SIAE: variants seen among roughly 807,000 people sequenced by gnomAD.
The protein encoded by SIAE is sialate O-acetylesterase.
In SIAE, 39 loss-of-function variants were observed where a neutral mutation model predicts 52.6. That is an observed-to-expected ratio of 0.74 (90% CI 0.57 to 0.97). The LOEUF (loss-of-function observed/expected upper bound fraction) is 0.97, where lower values mean the gene tolerates loss of function less well. Ranked by LOEUF, SIAE falls within the 50% of genes least tolerant of loss-of-function variation. SIAE has a pLI of 0.00. For synonymous variants in SIAE, 233 were observed against 241.4 expected, an observed-to-expected ratio of 0.97 and a Z score of 0.32; for missense variants, 592 against 662.1, an observed-to-expected ratio of 0.89 and a Z score of 1.16.
At chr11:124,640,654 C>A (rs944519407) in intron 7 of SIAE, among the ~76,000 whole-genome samples, 1 of 152,202 alleles carries the variant, frequency 6.6e-6, no homozygotes, top group South Asian at 2.1e-4. Flanking sequence ...TCTTCACTCC[C>A]TCCTATATCC....
chr11:124,638,927 A>T (rs556267018), intron 8 of SIAE, among the ~76,000 whole-genome samples, 190 bp from the exon 9 acceptor site: 1 of 152,302 alleles, frequency 6.6e-6, no homozygotes, highest in African/African-American at 2.4e-5. Context: ...TGGGCCTTCT[A>T]TGGGTTGGAA....
intron 9 of SIAE, 34 bp downstream of exon 9, chr11:124,638,508 A>G (rs1942788246): frequency 6.2e-7 from 1 of 1,609,826 alleles, no homozygotes; most frequent in South Asian, 1.1e-5. Flanking sequence ...TCCACCACAA[A>G]ATGAACCCCT....
At position 124,644,351 on chromosome 11, in the gene SIAE, G is replaced by GAAAAAAAAA. The variant is rs766691334; in HGVS notation, c.966+3013_966+3014insTTTTTTTTT. 8.1e-5 allele frequency among the ~76,000 whole-genome samples: 8 copies of GAAAAAAAAA among 98,972 alleles called. 1 individual carries two copies. The highest frequency in any genetic ancestry group is 2.0e-4 in the African/African-American group (5 of 25,154). 64.9% of individuals were successfully genotyped at this position (98,972 alleles called of 152,430 possible). A position where few individuals can be genotyped will look rare whatever the true frequency, so the allele number is the denominator to read the frequency against. ...AACGCCACAGGAAAGAGTCTGTGGT[G>GAAAAAAAAA]AGAAAAAAAAAAAAAAAAAAAAACT... is the stretch of plus-strand genomic sequence containing the variant. On this transcript the variant is annotated intron_variant, in intron 7 of 9. Transcript: ENST00000263593.
intron 7 of SIAE, among the ~76,000 whole-genome samples, chr11:124,644,960 T>A (rs558597627): frequency 6.6e-6 from 1 of 152,326 alleles, no homozygotes; most frequent in African/African-American, 2.4e-5. Flanking sequence ...GATCTTCTGA[T>A]TTCTCTCATC....
intron 7 of SIAE, among the ~76,000 whole-genome samples, chr11:124,644,351 G>GGAAAA (rs1555096422): frequency 2.0e-5 from 2 of 98,974 alleles, no homozygotes; most frequent in African/African-American, 8.0e-5. Context: ...AGTCTGTGGT[G>GGAAAA]AGAAAAAAAA....
Position 124,669,390 on chromosome 11 carries a change from T to C in SIAE, c.199A>G (p.Thr67Ala), listed in dbSNP as rs1026202192. Residue 67 changes from threonine (T) to alanine (A), a missense_variant, in exon 2 of 10, where the codon ACC becomes GCC. Thr to Ala is a moderately conservative substitution (Grantham distance 58, BLOSUM62 0). Coordinates refer to ENST00000263593, the MANE Select transcript of SIAE (RefSeq NM_170601.5). ...ACACTGGTCACTTTCTTCATGATGG[T>C]TTCCTGACCTTGGCGCAGGGTCACG... ...VTVTLRQGQE[T>A]IMKKVTSVKA... The C allele has an allele frequency of 1.9e-6, 3 of 1,614,168 alleles. No individual in the cohort carries two copies. Among genetic ancestry groups the C allele is most frequent in the Non-Finnish European group, 2.5e-6 (3 of 1,180,044 alleles).
intron 2 of SIAE, among the ~76,000 whole-genome samples, chr11:124,667,936 G>C (rs1006848652): frequency 6.6e-6 from 1 of 152,056 alleles, no homozygotes; most frequent in Non-Finnish European, 1.5e-5. Context: ...CTCTTGCTTG[G>C]ATATCACAGC....
At position 124,648,067 on chromosome 11, in the gene SIAE, C is replaced by G. The variant is rs1942966539; in HGVS notation, c.831G>C (p.Gln277His). The G allele has an allele frequency of 6.2e-7, 1 of 1,609,752 alleles. No individual in the cohort carries two copies. The highest frequency in any genetic ancestry group is 8.5e-7 in the Non-Finnish European group (1 of 1,176,058). Reference sequence around the variant, plus strand: ...AGAAAGAGTACACTGAACACTTACCCTGGTACCATACTACCCCTTTCAGAG... The same window carrying G: ...AGAAAGAGTACACTGAACACTTACCGTGGTACCATACTACCCCTTTCAGAG... ...NMTLKGVVWY[Q>H]GESNINYNTD... The change falls in exon 6 of 10, where the codon CAG becomes CAC. Residue 277 changes from glutamine (Q) to histidine (H), a missense_variant and splice_region_variant. Transcript: ENST00000263593.
chr11:124,649,630 G>A lies in SIAE; in HGVS notation c.711C>T (p.Val237=). 1.9e-6 allele frequency: 3 copies of A among 1,613,984 alleles called. No homozygotes were observed. Among genetic ancestry groups the A allele is most frequent in the Non-Finnish European group, 2.5e-6 (3 of 1,180,018 alleles). The change falls in exon 5 of 10, where the codon GTC becomes GTT. Residue 237 remains valine, a synonymous_variant. Transcript: ENST00000263593. ...SSGRSLKACG[V]PKQGSIPYDS... ...GAATGCTGTCTTACCCTTGTTTAGG[G>A]ACCCCACAGGCTTTCAGTGACCGTC... is the stretch of plus-strand genomic sequence containing the variant.
chr11:124,653,974 C>T (rs1447989366), intron 4 of SIAE, among the ~76,000 whole-genome samples: 4 of 151,992 alleles, frequency 2.6e-5, no homozygotes, highest in Non-Finnish European at 5.9e-5. Flanking sequence ...GTCAGGAGTT[C>T]GAGACCAGCC....
chr11:124,664,205 T>C (rs1943236893), intron 2 of SIAE, among the ~76,000 whole-genome samples: 1 of 151,954 alleles, frequency 6.6e-6, no homozygotes, highest in South Asian at 2.1e-4. Context: ...TATGTTCTCA[T>C]GTCTAGGGTT....
At chr11:124,643,929 C>T (rs886434492) in intron 7 of SIAE, among the ~76,000 whole-genome samples, 1 of 151,182 alleles carries the variant, frequency 6.6e-6, no homozygotes, top group African/African-American at 2.4e-5. Context: ...TTCCACCCAG[C>T]CTTATTACTC....
At chr11:124,651,707 C>T (rs772571628) in intron 4 of SIAE, among the ~76,000 whole-genome samples, 12 of 152,230 alleles carry the variant, frequency 7.9e-5, no homozygotes, top group African/African-American at 1.9e-4. Flanking sequence ...CTCCCCGCCC[C>T]GCACCGTGCT....
intron 1 of SIAE, among the ~76,000 whole-genome samples, chr11:124,671,931 CTTTTTTT>C (rs11344356): frequency 8.0e-5 from 11 of 137,166 alleles, no homozygotes; most frequent in African/African-American, 2.9e-4. Context: ...CTGGCTAATT[CTTTTTTT>C]TTTTTTTTTT....
chr11:124,635,711 G>A lies in SIAE; in HGVS notation c.*1240C>T, dbSNP rs551386665. 30 of 152,168 alleles carry A rather than the reference G, an allele frequency of 2.0e-4. No individual in the cohort carries two copies. Among genetic ancestry groups the A allele is most frequent in the Non-Finnish European group, 4.1e-4 (28 of 68,042 alleles). 9.4% of individuals were successfully genotyped at this position (152,168 alleles called of 1,614,324 possible). A position where few individuals can be genotyped will look rare whatever the true frequency, so the allele number is the denominator to read the frequency against. On this transcript the variant is annotated 3_prime_UTR_variant, in exon 10 of 10. Coordinates refer to ENST00000263593, the MANE Select transcript of SIAE (RefSeq NM_170601.5). ...GTTCTCATTTTTCACATTAAGGGGA[G>A]GAAAGCTACCCATAGATAGTATTCT... is the stretch of plus-strand genomic sequence containing the variant.
intron 1 of SIAE, 190 bp from the exon 2 acceptor site, chr11:124,669,711 C>T (rs1943322723): frequency 3.2e-6 from 2 of 623,200 alleles, no homozygotes; most frequent in African/African-American, 1.8e-5. Context: ...CAGTTTCCAA[C>T]AGTATGCATC....
In SIAE at chr11:124,669,523, TA is replaced by T. The variant is rs746169895; in HGVS notation, c.68-3del. 1.9e-6 allele frequency: 3 copies of T among 1,613,060 alleles called. No individual in the cohort carries two copies. Among genetic ancestry groups the T allele is most frequent in the Non-Finnish European group, 2.5e-6 (3 of 1,179,856 alleles). ...ATGAAGCAAAGCGAAAACCAATACC[TA>T]AAAAATTTAACAAACACTGAGGGAA... On this transcript the variant is annotated splice_polypyrimidine_tract_variant and splice_region_variant and intron_variant, in intron 1 of 9. Transcript: ENST00000263593.
intron 4 of SIAE, chr11:124,654,109 G>C (rs1415304864): frequency 1.9e-6 from 1 of 516,356 alleles, no homozygotes; most frequent in Non-Finnish European, 2.5e-6. Context: ...CCCAGGAGGC[G>C]GAGGTTGCAG....
At chr11:124,649,140 T>C (rs1218938841) in intron 5 of SIAE, among the ~76,000 whole-genome samples, 1 of 152,170 alleles carries the variant, frequency 6.6e-6, no homozygotes, top group Non-Finnish European at 1.5e-5. Context: ...CCTGTTGGAT[T>C]GTTTATTCTT....
Sources: gnomAD v4.1 joint callset for allele counts (sites outside exome capture counted in the v4.1 genomes callset) on GRCh38, gnomAD v4.1.1 for gene constraint, MANE v1.5 for transcripts, NCBI Gene and HGNC (gene_info 2026-07-23, HGNC 2026-07-21) for gene names.